Variants in FRS2 observed in about 807,000 individuals in gnomAD.
FRS2 encodes FGFR signalling adaptor.
A neutral mutation model predicts 43.9 loss-of-function variants in FRS2; 8 were observed. The observed-to-expected ratio is 0.18, with a 90% CI of 0.11 to 0.33. The LOEUF is 0.33. Among genes scored for constraint, FRS2 ranks in the 10% least tolerant of loss-of-function variants. The probability of loss-of-function intolerance (pLI) is 1.00; values close to 1 mark genes in which losing one functional copy is unlikely to be tolerated. For synonymous variants in FRS2, 219 were observed against 220.3 expected, an observed-to-expected ratio of 0.99 and a Z score of 0.05; for missense variants, 534 against 627.6, an observed-to-expected ratio of 0.85 and a Z score of 1.59.
At chr12:69,567,913 G>A (rs557030151) in intron 4 of FRS2, among the ~76,000 whole-genome samples, 213 of 152,294 alleles carry the variant, frequency 1.4e-3, no homozygotes, top group South Asian at 2.3e-3. Context: ...ATACTGAAGA[G>A]TTTATACTGT....
At position 69,505,940 on chromosome 12, in the gene FRS2, C is replaced by T. The variant is rs558439432; in HGVS notation, c.-260-24925C>T. On this transcript the variant is annotated intron_variant, in intron 1 of 8. Transcript: ENST00000549921. ...CCTTTGGTTGATTGCAATCCACCCCCGACCACCATTTCTTGTTCAAGAAGT... is the reference window on the plus strand; with the variant it reads ...CCTTTGGTTGATTGCAATCCACCCCTGACCACCATTTCTTGTTCAAGAAGT... 3.9e-5 allele frequency among the ~76,000 whole-genome samples: 6 copies of T among 152,224 alleles called. No individual in the cohort carries two copies. In the South Asian group the frequency reaches 6.2e-4, roughly 16 times the overall value.
chr12:69,538,328 T>C (rs1311084660), intron 3 of FRS2, among the ~76,000 whole-genome samples: 1 of 150,354 alleles, frequency 6.7e-6, no homozygotes, highest in Non-Finnish European at 1.5e-5. Flanking sequence ...AGAAATAGAA[T>C]TCCTTGATCC....
intron 3 of FRS2, among the ~76,000 whole-genome samples, chr12:69,552,946 G>A (rs998845565): frequency 1.3e-5 from 2 of 151,956 alleles, no homozygotes; most frequent in Non-Finnish European, 2.9e-5. Flanking sequence ...ATTAAGTGGT[G>A]GTTCTAGGAC....
chr12:69,510,788 C>G (rs1053284003), intron 1 of FRS2, among the ~76,000 whole-genome samples: 1 of 152,094 alleles, frequency 6.6e-6, no homozygotes, highest in Non-Finnish European at 1.5e-5. Context: ...TAGCTCAATA[C>G]CCTGCACATT....
rs76907293 is a variant in FRS2, at chr12:69,494,450, A to G, written c.-261+23920A>G. 3.3e-4 allele frequency among the ~76,000 whole-genome samples: 51 copies of G among 152,292 alleles called. No homozygotes were observed. In the East Asian group the frequency reaches 9.8e-3, roughly 29 times the overall value. Reference sequence around the variant, plus strand: ...GGAAACTCTCTCAGAGAGGTTATATAATTTGCTGCAGCTCATTTAGCTAAT... The same window carrying G: ...GGAAACTCTCTCAGAGAGGTTATATGATTTGCTGCAGCTCATTTAGCTAAT... On this transcript the variant is annotated intron_variant, in intron 1 of 8. Transcript: ENST00000549921.
chr12:69,495,641 A>C (rs187114339), intron 1 of FRS2, among the ~76,000 whole-genome samples: 1 of 152,336 alleles, frequency 6.6e-6, no homozygotes, highest in African/African-American at 2.4e-5. Flanking sequence ...AATGCTTAAC[A>C]GTTTGGGAGG....
At chr12:69,492,453 C>G (rs1419323130) in intron 1 of FRS2, among the ~76,000 whole-genome samples, 4 of 151,964 alleles carry the variant, frequency 2.6e-5, no homozygotes, top group African/African-American at 9.7e-5. Context: ...GTGGAAATGG[C>G]TGTAATTGTC....
chr12:69,502,524 A>G (rs1265149011), intron 1 of FRS2, among the ~76,000 whole-genome samples: 1 of 152,084 alleles, frequency 6.6e-6, no homozygotes, highest in African/African-American at 2.4e-5. Flanking sequence ...GTGAGTCACC[A>G]TGCCCGGCCA....
intron 1 of FRS2, among the ~76,000 whole-genome samples, chr12:69,516,484 C>T (rs11177700): frequency 0.33 from 50,160 of 151,964 alleles, 8,524 homozygotes; most frequent in South Asian, 0.57. Flanking sequence ...TCCCAAAGTG[C>T]TGGGATTACA....
intron 3 of FRS2, among the ~76,000 whole-genome samples, chr12:69,557,595 T>TGTGTGTGTGTGC (rs1555192511): frequency 0.044 from 561 of 12,864 alleles, 4 homozygotes; most frequent in African/African-American, 0.12. Flanking sequence ...GAAGGTTGAT[T>TGTGTGTGTGTGC]GTGTGTGTGT....
At chr12:69,566,772 T>TA (rs1340129993) in intron 4 of FRS2, among the ~76,000 whole-genome samples, 1 of 152,172 alleles carries the variant, frequency 6.6e-6, no homozygotes, top group African/African-American at 2.4e-5. Context: ...ACAATAGAGT[T>TA]ATGCCATTCT....
At chr12:69,509,963 A>AACAAAG (rs1174673085) in intron 1 of FRS2, among the ~76,000 whole-genome samples, 2 of 152,208 alleles carry the variant, frequency 1.3e-5, no homozygotes, top group Admixed American at 6.5e-5. Context: ...AGGTATGCCA[A>AACAAAG]ACAAAGGCAA....
intron 5 of FRS2, 99 bp downstream of exon 5, chr12:69,569,195 C>A: frequency 1.6e-6 from 1 of 638,838 alleles, no homozygotes; most frequent in Non-Finnish European, 2.8e-6. Flanking sequence ...ATCACCAAAC[C>A]TTTCTATTTC....
At chr12:69,519,066 G>C (rs1032144568) in intron 1 of FRS2, among the ~76,000 whole-genome samples, 1 of 151,756 alleles carries the variant, frequency 6.6e-6, no homozygotes, top group Non-Finnish European at 1.5e-5. Context: ...GGATTATTGC[G>C]TAGAAAATAA....
At chr12:69,527,213 G>A (rs187974768) in intron 1 of FRS2, among the ~76,000 whole-genome samples, 1 of 151,864 alleles carries the variant, frequency 6.6e-6, no homozygotes. Context: ...ACATTCTTTG[G>A]ATTCACCCCT....
At chr12:69,547,713 T>C (rs1227905699) in intron 3 of FRS2, among the ~76,000 whole-genome samples, 3 of 152,134 alleles carry the variant, frequency 2.0e-5, no homozygotes, top group Non-Finnish European at 4.4e-5. Context: ...GAACCAGTTG[T>C]AACATGTTAC....
intron 1 of FRS2, among the ~76,000 whole-genome samples, chr12:69,516,693 A>T (rs1015897431): frequency 6.6e-6 from 1 of 152,162 alleles, no homozygotes; most frequent in African/African-American, 2.4e-5. Context: ...TTTTGTCCTT[A>T]TCTCCATCTG....
At chr12:69,514,257 C>T (rs576572295) in intron 1 of FRS2, among the ~76,000 whole-genome samples, 17 of 152,266 alleles carry the variant, frequency 1.1e-4, no homozygotes, top group African/African-American at 4.1e-4. Flanking sequence ...AATCACATTG[C>T]ATAATTCCCA....
chr12:69,477,931 C>A (rs1001550539), intron 1 of FRS2, among the ~76,000 whole-genome samples: 1 of 151,208 alleles, frequency 6.6e-6, no homozygotes, highest in Non-Finnish European at 1.5e-5. Context: ...TTAGTAGAGA[C>A]GGGGTTTCAC....
Sources: gnomAD v4.1 joint callset for allele counts (sites outside exome capture counted in the v4.1 genomes callset) on GRCh38, gnomAD v4.1.1 for gene constraint, MANE v1.5 for transcripts, NCBI Gene and HGNC (gene_info 2026-07-23, HGNC 2026-07-21) for gene names.